The following LRRIQ1 variants were observed in gnomAD, a reference collection of about 807,000 sequenced individuals.
LRRIQ1 encodes leucine rich repeats and IQ motif containing 1, also known as leucine-rich repeat- and IQ domain-containing protein 1.
LRRIQ1 carries 210 observed loss-of-function variants against 211.9 expected under a neutral mutation model. The ratio of observed to expected loss-of-function variants is 0.99; its 90% CI spans 0.89 to 1.11. The LOEUF (loss-of-function observed/expected upper bound fraction) is 1.11. Ranked by LOEUF, LRRIQ1 falls within the 50% of genes most tolerant of loss-of-function variation. The pLI is 0.00. For synonymous variants in LRRIQ1, 699 were observed against 650.1 expected, an observed-to-expected ratio of 1.08 and a Z score of -1.14; for missense variants, 2,136 against 1,939.5, an observed-to-expected ratio of 1.10 and a Z score of -1.90.
chr12:85,056,929 AG>A lies in LRRIQ1; in HGVS notation c.2137del (p.Glu713LysfsTer13). 6.2e-7 allele frequency: 1 copy of A among 1,613,054 alleles called. No homozygotes were observed. Among genetic ancestry groups the A allele is most frequent in the East Asian group, 2.2e-5 (1 of 44,858 alleles). On this transcript the variant is annotated frameshift_variant, in exon 8 of 27. Coordinates refer to ENST00000393217, the MANE Select transcript of LRRIQ1 (RefSeq NM_001079910.2). LOFTEE classifies it high-confidence loss of function. ...SLKSEIRNIS[E>X]KCHENAPEPD... ...TTAAATCTGAGATTAGAAATATTTCAGAAAAATGCCATGAAAATGCACCTGA... is the reference window on the plus strand; with the variant it reads ...TTAAATCTGAGATTAGAAATATTTCAAAAAATGCCATGAAAATGCACCTGA...
intron 24 of LRRIQ1, among the ~76,000 whole-genome samples, chr12:85,183,512 A>G (rs891932138): frequency 6.6e-6 from 1 of 152,042 alleles, no homozygotes; most frequent in African/African-American, 2.4e-5. Context: ...TTTCAGTTTC[A>G]TCATCATACC....
intron 16 of LRRIQ1, 150 bp downstream of exon 16, chr12:85,122,026 C>A: frequency 2.0e-6 from 1 of 505,728 alleles, no homozygotes; most frequent in Non-Finnish European, 3.2e-6. Flanking sequence ...CTTTGGACAT[C>A]ATGTTTTTAT....
At chr12:85,135,249 A>T (rs1565860005) in intron 18 of LRRIQ1, among the ~76,000 whole-genome samples, 1 of 151,956 alleles carries the variant, frequency 6.6e-6, no homozygotes, top group African/African-American at 2.4e-5. Flanking sequence ...GACATCATTT[A>T]ACATGTTTAT....
intron 14 of LRRIQ1, among the ~76,000 whole-genome samples, 169 bp from the exon 15 acceptor site, chr12:85,106,353 A>T (rs1886783149): frequency 6.6e-6 from 1 of 152,234 alleles, no homozygotes. Flanking sequence ...TTCTGACAAT[A>T]GTCTGTGTCC....
In LRRIQ1 at chr12:85,057,170, G is replaced by A; in HGVS notation, c.2377G>A (p.Asp793Asn). 6.6e-7 allele frequency: 1 copy of A among 1,505,938 alleles called. No homozygotes were observed. Among genetic ancestry groups the A allele is most frequent in the Non-Finnish European group, 8.9e-7 (1 of 1,126,784 alleles). The allele number at this position is 1,505,938 out of a possible 1,614,324, so 93.3% of individuals were successfully genotyped here. ...KLEILRCGPW[D>N]TLQQVTTVTF... ...GGAAATTCTTCGATGTGGCCCTTGG[G>A]ATACTTTACAGCAGGTATTTCTAAT... The change falls in exon 8 of 27, where the codon GAT (aspartate) becomes AAT (asparagine). Residue 793 changes from aspartate (D) to asparagine (N), a missense_variant. Asp to Asn is a conservative substitution (Grantham distance 23, BLOSUM62 1). Transcript: ENST00000393217.
chr12:85,045,397 T>C (rs886757654), intron 4 of LRRIQ1, among the ~76,000 whole-genome samples: 5 of 151,836 alleles, frequency 3.3e-5, no homozygotes, highest in Admixed American at 1.3e-4. Flanking sequence ...CCCTAATGTG[T>C]TTAACATAAT....
At chr12:85,136,825 A>G (rs1889167187) in intron 18 of LRRIQ1, among the ~76,000 whole-genome samples, 1 of 151,898 alleles carries the variant, frequency 6.6e-6, no homozygotes, top group African/African-American at 2.4e-5. Context: ...GGGTAGCCAA[A>G]TAAATCTATT....
At chr12:85,239,544 GGAAA>G (rs1895366200) in intron 26 of LRRIQ1, among the ~76,000 whole-genome samples, 1 of 151,688 alleles carries the variant, frequency 6.6e-6, no homozygotes, top group Admixed American at 6.6e-5. Flanking sequence ...TTCAAGGGGG[GGAAA>G]GATAACCCTT....
At chr12:85,106,243 A>G (rs1886774227) in intron 14 of LRRIQ1, among the ~76,000 whole-genome samples, 2 of 152,180 alleles carry the variant, frequency 1.3e-5, no homozygotes, top group South Asian at 4.1e-4. Flanking sequence ...TTTTACACAC[A>G]TTATCTCATT....
chr12:85,070,182 G>A (rs954637457), intron 10 of LRRIQ1, among the ~76,000 whole-genome samples: 1 of 152,082 alleles, frequency 6.6e-6, no homozygotes, highest in South Asian at 2.1e-4. Flanking sequence ...CTTCATAGGT[G>A]GTGTTCTGTG....
chr12:85,252,053 T>A (rs955205709), intron 1 of LRRIQ1, among the ~76,000 whole-genome samples: 4 of 151,940 alleles, frequency 2.6e-5, no homozygotes, highest in African/African-American at 9.7e-5. Context: ...GGGGAAAATC[T>A]TAATATTTTC....
chr12:85,181,998 T>C (rs1273159404), intron 24 of LRRIQ1, among the ~76,000 whole-genome samples: 1 of 152,080 alleles, frequency 6.6e-6, no homozygotes, highest in African/African-American at 2.4e-5. Context: ...AAAGCCTTTC[T>C]ATTGTTATAT....
At chr12:85,080,570 A>G (rs1450758583) in intron 11 of LRRIQ1, among the ~76,000 whole-genome samples, 2 of 151,406 alleles carry the variant, frequency 1.3e-5, no homozygotes, top group African/African-American at 4.8e-5. Flanking sequence ...AACTCAATTT[A>G]CAGTTTCCTA....
intron 24 of LRRIQ1, among the ~76,000 whole-genome samples, chr12:85,187,990 A>G (rs958960878): frequency 6.6e-6 from 1 of 151,992 alleles, no homozygotes; most frequent in Non-Finnish European, 1.5e-5. Flanking sequence ...ACCAACCTAC[A>G]TGTCCTTAGT....
intron 24 of LRRIQ1, among the ~76,000 whole-genome samples, chr12:85,219,847 G>A (rs908037268): frequency 3.4e-4 from 51 of 152,102 alleles, no homozygotes; most frequent in African/African-American, 1.1e-3. Context: ...TACTGGTTTC[G>A]TGCCAATGCT....
At chr12:85,087,742 CT>C (rs201521070) in intron 11 of LRRIQ1, among the ~76,000 whole-genome samples, 2,503 of 152,272 alleles carry the variant, frequency 0.016, 68 homozygotes, top group African/African-American at 0.058. Flanking sequence ...TAAATGTCTT[CT>C]TTTGAGAAGT....
At chr12:85,052,137 T>C in intron 6 of LRRIQ1, 40 bp from the exon 7 acceptor site, 1 of 1,044,246 alleles carries the variant, frequency 9.6e-7, no homozygotes, top group Admixed American at 2.5e-5. Context: ...ATATTTTTGA[T>C]ATTTGAGTAT....
chr12:85,116,202 G>A (rs926491197), intron 15 of LRRIQ1, among the ~76,000 whole-genome samples: 1 of 152,182 alleles, frequency 6.6e-6, no homozygotes, highest in African/African-American at 2.4e-5. Context: ...GAGTGCAGTG[G>A]CGCGATCTCG....
intron 24 of LRRIQ1, among the ~76,000 whole-genome samples, chr12:85,194,842 T>C (rs543420084): frequency 6.6e-6 from 1 of 151,738 alleles, no homozygotes; most frequent in Admixed American, 6.6e-5. Context: ...CTGAAGGAAA[T>C]AGAGACACAA....
Sources: allele counts gnomAD v4.1 joint callset (sites outside exome capture counted in the v4.1 genomes callset), GRCh38; gene constraint gnomAD v4.1.1; transcripts MANE v1.5; gene names NCBI Gene and HGNC (gene_info 2026-07-23, HGNC 2026-07-21).